The following KCNQ5 variants were observed in gnomAD, a reference collection of about 807,000 sequenced individuals.
The protein encoded by KCNQ5 is potassium voltage-gated channel subfamily Q member 5.
A neutral mutation model predicts 98.2 loss-of-function variants in KCNQ5; 30 were observed. That is an observed-to-expected ratio of 0.31 (90% CI 0.23 to 0.41). KCNQ5 has a LOEUF of 0.41. Among genes scored for constraint, KCNQ5 ranks in the 10% least tolerant of loss-of-function variants. KCNQ5 has a pLI of 1.00. For synonymous variants in KCNQ5, 458 were observed against 449.4 expected (o/e 1.02, Z -0.24); for missense variants, 835 against 1,182.5 (o/e 0.71, Z 4.31).
At chr6:72,756,323 A>G (rs1771967864) in intron 1 of KCNQ5, among the ~76,000 whole-genome samples, 1 of 152,186 alleles carries the variant, frequency 6.6e-6, no homozygotes, top group African/African-American at 2.4e-5. Context: ...CATTGTTAGC[A>G]GGAACAACGT....
chr6:72,711,126 G>A (rs1221641509), intron 1 of KCNQ5, among the ~76,000 whole-genome samples: 1 of 152,076 alleles, frequency 6.6e-6, no homozygotes, highest in Admixed American at 6.6e-5. Context: ...GTAAAATGAG[G>A]TTGTAAGAGT....
At chr6:73,055,740 A>T in intron 3 of KCNQ5, 1 of 1,058,208 alleles carries the variant, frequency 9.4e-7, no homozygotes, top group South Asian at 1.2e-5. Context: ...CTCATTGTCT[A>T]TGAATTGGAC....
intron 1 of KCNQ5, among the ~76,000 whole-genome samples, chr6:72,902,591 G>A (rs557167903): frequency 1.3e-5 from 2 of 152,308 alleles, no homozygotes; most frequent in South Asian, 4.1e-4. Flanking sequence ...TGCATCTATT[G>A]AGATGATCAT....
chr6:72,868,888 A>G (rs1239593096), intron 1 of KCNQ5, among the ~76,000 whole-genome samples: 1 of 152,192 alleles, frequency 6.6e-6, no homozygotes, highest in Non-Finnish European at 1.5e-5. Context: ...AATGGGTACA[A>G]AAATATAGAG....
chr6:72,976,183 A>G (rs1440133546), intron 1 of KCNQ5, among the ~76,000 whole-genome samples: 1 of 152,096 alleles, frequency 6.6e-6, no homozygotes, highest in Non-Finnish European at 1.5e-5. Context: ...CAGAGTTTCT[A>G]TTTTTCATTT....
At chr6:73,030,937 C>T (rs1487383517) in intron 2 of KCNQ5, among the ~76,000 whole-genome samples, 1 of 152,206 alleles carries the variant, frequency 6.6e-6, no homozygotes, top group Non-Finnish European at 1.5e-5. Context: ...CCTTCATCAA[C>T]ACAGCCTTTG....
intron 1 of KCNQ5, among the ~76,000 whole-genome samples, chr6:72,982,619 CTT>C (rs1188292213): frequency 4.0e-5 from 6 of 150,298 alleles, no homozygotes; most frequent in East Asian, 4.0e-4. Flanking sequence ...GGTCTTGACT[CTT>C]TATCCAATTT....
At chr6:73,115,842 T>C (rs542187417) in intron 7 of KCNQ5, among the ~76,000 whole-genome samples, 52 of 152,192 alleles carry the variant, frequency 3.4e-4, no homozygotes, top group Non-Finnish European at 6.2e-4. Context: ...AACAAGAGAT[T>C]CCGCACAGGA....
chr6:73,096,008 A>G (rs892456248), intron 5 of KCNQ5, among the ~76,000 whole-genome samples: 22 of 152,200 alleles, frequency 1.4e-4, no homozygotes, highest in Admixed American at 3.9e-4. Flanking sequence ...AGGTCCCACA[A>G]CAGGTCGTCT....
chr6:72,927,326 C>A (rs896339089), intron 1 of KCNQ5, among the ~76,000 whole-genome samples: 5 of 152,184 alleles, frequency 3.3e-5, no homozygotes, highest in Middle Eastern at 3.4e-3. Flanking sequence ...AAATTTTTTT[C>A]AGAAAATATG....
At chr6:73,067,417 A>G (rs1773103181) in intron 3 of KCNQ5, among the ~76,000 whole-genome samples, 1 of 152,154 alleles carries the variant, frequency 6.6e-6, no homozygotes, top group African/African-American at 2.4e-5. Context: ...AAGGCAGACT[A>G]AAGGCTTTAT....
At chr6:72,826,016 C>T (rs1407868316) in intron 1 of KCNQ5, among the ~76,000 whole-genome samples, 1 of 152,108 alleles carries the variant, frequency 6.6e-6, no homozygotes, top group Non-Finnish European at 1.5e-5. Context: ...AATCACACTT[C>T]TCTGGTGGAA....
intron 5 of KCNQ5, among the ~76,000 whole-genome samples, chr6:73,085,229 C>T (rs1208100379): frequency 6.6e-6 from 1 of 152,156 alleles, no homozygotes; most frequent in Non-Finnish European, 1.5e-5. Flanking sequence ...GTAAGCACAT[C>T]TTAAAGACTT....
At position 73,133,746 on chromosome 6, in the gene KCNQ5, A is replaced by G. The variant is rs536657877; in HGVS notation, c.1468+105A>G. On this transcript the variant is annotated intron_variant, in intron 10 of 13. Transcript: ENST00000370398. ...GTGCCACTTGAAGAAAGAAGAAAAC[A>G]ACCCCAGAGAAAGAATTGTTTGTTT... is the stretch of plus-strand genomic sequence containing the variant. The G allele has an allele frequency of 6.3e-6, 6 of 950,734 alleles. No homozygotes were observed. The African/African-American group carries it at 9.9e-5, about 16-fold the overall frequency. The allele number at this position is 950,734 out of a possible 1,614,324, so 58.9% of individuals were successfully genotyped here.
chr6:72,658,487 G>A (rs1397814625), intron 1 of KCNQ5, among the ~76,000 whole-genome samples: 1 of 146,070 alleles, frequency 6.8e-6, no homozygotes, highest in African/African-American at 2.6e-5. Flanking sequence ...CATCATGTTG[G>A]CCAGGCTGGT....
intron 1 of KCNQ5, among the ~76,000 whole-genome samples, chr6:72,629,114 A>G (rs1287987134): frequency 6.6e-6 from 1 of 152,122 alleles, no homozygotes; most frequent in Non-Finnish European, 1.5e-5. Context: ...ATTTACTGAC[A>G]CCCCAGATCT....
chr6:73,013,294 A>C (rs1048884941), intron 2 of KCNQ5, among the ~76,000 whole-genome samples: 1 of 152,136 alleles, frequency 6.6e-6, no homozygotes, highest in East Asian at 1.9e-4. Context: ...GTCTGATGAC[A>C]GTGCTTGTGG....
intron 5 of KCNQ5, among the ~76,000 whole-genome samples, chr6:73,097,415 C>A (rs1252337574): frequency 6.6e-6 from 1 of 152,042 alleles, no homozygotes; most frequent in African/African-American, 2.4e-5. Context: ...AAATCCTCAA[C>A]AAATTAGGTA....
At chr6:72,673,972 TA>T (rs1312978707) in intron 1 of KCNQ5, among the ~76,000 whole-genome samples, 12 of 152,212 alleles carry the variant, frequency 7.9e-5, no homozygotes, top group Admixed American at 7.9e-4. Context: ...TCAACTTTTT[TA>T]TTTCTAGAAT....
Sources: allele counts gnomAD v4.1 joint callset (sites outside exome capture counted in the v4.1 genomes callset), GRCh38; gene constraint gnomAD v4.1.1; transcripts MANE v1.5; gene names NCBI Gene and HGNC (gene_info 2026-07-23, HGNC 2026-07-21).